LGSN: variants seen among roughly 807,000 people sequenced by gnomAD.
The protein encoded by LGSN is lengsin, lens protein with glutamine synthetase domain, also known as lengsin.
LGSN carries 21 observed loss-of-function variants against 19.5 expected under a neutral mutation model. The observed-to-expected ratio is 1.07, with a 90% CI of 0.76 to 1.55. The LOEUF (loss-of-function observed/expected upper bound fraction) is 1.55, where lower values mean the gene tolerates loss of function less well. LGSN is among the 40% of genes most tolerant of loss of function. LGSN has a pLI of 0.00. For missense variants in LGSN, 673 were observed against 608.5 expected, an observed-to-expected ratio of 1.11 and a Z score of -1.12; for synonymous variants, 257 against 215.6, an observed-to-expected ratio of 1.19 and a Z score of -1.68.
chr6:63,316,583 A>G (rs898798122), intron 1 of LGSN, among the ~76,000 whole-genome samples: 4 of 152,188 alleles, frequency 2.6e-5, no homozygotes, highest in Non-Finnish European at 5.9e-5. Context: ...TAGTATGTTC[A>G]TAATTAAATC....
the LGSN span, among the ~76,000 whole-genome samples, chr6:63,556,354 C>CT: frequency 7.2e-6 from 1 of 139,460 alleles, no homozygotes; most frequent in South Asian, 2.2e-4. Flanking sequence ...CTTTTTTTTT[C>CT]TTTTTTTGTA....
rs529448815 is a variant in LGSN, at chr6:63,315,541, C to A, written c.30+4373G>T. On this transcript the variant is annotated intron_variant, in intron 1 of 3. Transcript: ENST00000370657. ...GGCCTTTTCACCACGGTTATGATTACCCCACTTAAGATACTGAGAAAACAT... is the reference window on the plus strand; with the variant it reads ...GGCCTTTTCACCACGGTTATGATTAACCCACTTAAGATACTGAGAAAACAT... 4.6e-3 allele frequency among the ~76,000 whole-genome samples: 696 copies of A among 151,752 alleles called. 4 individuals carry two copies. Among genetic ancestry groups the A allele is most frequent in the African/African-American group, 0.016 (670 of 41,368 alleles).
chr6:63,281,874 C>T (rs1767336118), intron 3 of LGSN, among the ~76,000 whole-genome samples: 1 of 152,170 alleles, frequency 6.6e-6, no homozygotes, highest in African/African-American at 2.4e-5. Context: ...TGAATGTGGA[C>T]CTATAACTCC....
At chr6:63,572,627 C>A in the LGSN span, 1 of 421,514 alleles carries the variant, frequency 2.4e-6, no homozygotes. Flanking sequence ...CCGCCGCCTC[C>A]TGCCCTGCAG....
At chr6:63,301,676 G>C (rs1768191126) in intron 1 of LGSN, among the ~76,000 whole-genome samples, 1 of 152,036 alleles carries the variant, frequency 6.6e-6, no homozygotes, top group African/African-American at 2.4e-5. Context: ...GTAAAATTCT[G>C]TTTTCTCCTT....
the LGSN span, among the ~76,000 whole-genome samples, chr6:63,430,796 G>A: frequency 2.0e-5 from 3 of 152,224 alleles, no homozygotes; most frequent in African/African-American, 7.2e-5. Context: ...AGACAACAGG[G>A]GAGCCATGTC....
At chr6:63,347,532 T>A in the LGSN span, among the ~76,000 whole-genome samples, 1 of 152,248 alleles carries the variant, frequency 6.6e-6, no homozygotes, top group African/African-American at 2.4e-5. Context: ...TTCTAATCCA[T>A]CATTATTCCA....
At chr6:63,427,734 T>C in the LGSN span, among the ~76,000 whole-genome samples, 2 of 152,202 alleles carry the variant, frequency 1.3e-5, no homozygotes, top group East Asian at 1.9e-4. Context: ...AATAAGATTA[T>C]GAACAGGGAC....
chr6:63,558,886 G>A, the LGSN span, among the ~76,000 whole-genome samples: 1 of 152,220 alleles, frequency 6.6e-6, no homozygotes, highest in African/African-American at 2.4e-5. Context: ...TGCCTCATCT[G>A]TCAAGTAGGA....
chr6:63,446,275 A>G, the LGSN span, among the ~76,000 whole-genome samples: 1 of 146,308 alleles, frequency 6.8e-6, no homozygotes, highest in Non-Finnish European at 1.5e-5. Context: ...CGAACAGTGT[A>G]CATGATGGCA....
chr6:63,309,605 T>G (rs907300064), intron 1 of LGSN, among the ~76,000 whole-genome samples: 5 of 152,208 alleles, frequency 3.3e-5, no homozygotes, highest in Admixed American at 6.5e-5. Context: ...ACAGATAAAA[T>G]TGTATGTATG....
At chr6:63,385,357 T>C in the LGSN span, among the ~76,000 whole-genome samples, 2 of 152,220 alleles carry the variant, frequency 1.3e-5, no homozygotes, top group Admixed American at 1.3e-4. Context: ...ATGATGCTGC[T>C]GAGCCACTGA....
At chr6:63,419,067 G>A in the LGSN span, among the ~76,000 whole-genome samples, 1 of 152,086 alleles carries the variant, frequency 6.6e-6, no homozygotes, top group Non-Finnish European at 1.5e-5. Flanking sequence ...CATGGTGTCA[G>A]TAGAAGTGAG....
At chr6:63,418,343 G>T in the LGSN span, among the ~76,000 whole-genome samples, 3 of 151,942 alleles carry the variant, frequency 2.0e-5, no homozygotes, top group African/African-American at 4.8e-5. Context: ...TGGGTGGATC[G>T]CAAGGTCAAG....
chr6:63,479,655 G>T, the LGSN span, among the ~76,000 whole-genome samples: 1 of 152,148 alleles, frequency 6.6e-6, no homozygotes, highest in South Asian at 2.1e-4. Flanking sequence ...CAGGAGAATG[G>T]CATGAACCCG....
At chr6:63,487,193 C>T in the LGSN span, among the ~76,000 whole-genome samples, 1 of 152,094 alleles carries the variant, frequency 6.6e-6, no homozygotes, top group East Asian at 1.9e-4. Flanking sequence ...TGGTCTCGAA[C>T]TCCTGGGCTC....
chr6:63,403,287 G>A, the LGSN span, among the ~76,000 whole-genome samples: 115 of 152,222 alleles, frequency 7.6e-4, 1 homozygote, highest in South Asian at 0.024. Flanking sequence ...GTTGGGCTAA[G>A]GTCAGGAGGA....
chr6:63,565,034 GGGTCTTT>G, the LGSN span, among the ~76,000 whole-genome samples: 5 of 152,098 alleles, frequency 3.3e-5, no homozygotes, highest in Non-Finnish European at 7.4e-5. Flanking sequence ...TTGAGAGAGA[GGGTCTTT>G]GGTCTGTTGC....
At position 63,301,247 on chromosome 6, in the gene LGSN, C is replaced by T. The variant is rs151084348; in HGVS notation, c.31-6202G>A. 3.2e-3 allele frequency among the ~76,000 whole-genome samples: 493 copies of T among 151,968 alleles called. 2 individuals are homozygous for T. The highest frequency in any genetic ancestry group is 0.011 in the African/African-American group (463 of 41,454). ...TGGAGGTTGCAGTGAGCCAAGATTG[C>T]GCCACTGCACTTCAGCCTGGGTGAC... On this transcript the variant is annotated intron_variant, in intron 1 of 3. Coordinates refer to ENST00000370657, the MANE Select transcript of LGSN (RefSeq NM_016571.3).
Sources: allele counts gnomAD v4.1 joint callset (sites outside exome capture counted in the v4.1 genomes callset), GRCh38; gene constraint gnomAD v4.1.1; transcripts MANE v1.5; gene names NCBI Gene and HGNC (gene_info 2026-07-23, HGNC 2026-07-21).